Variants in ANKS1B observed in about 807,000 individuals in gnomAD.
The protein encoded by ANKS1B is ankyrin repeat and sterile alpha motif domain containing 1B, also known as ankyrin repeat and sterile alpha motif domain-containing protein 1B.
Under a neutral mutation model 148.3 loss-of-function variants are expected in ANKS1B, and 36 were observed. The observed-to-expected ratio is 0.24, with a 90% confidence interval of 0.19 to 0.32. The LOEUF (loss-of-function observed/expected upper bound fraction) is 0.32. Among genes scored for constraint, ANKS1B ranks in the 10% least tolerant of loss-of-function variants. The pLI is 1.00. For missense variants in ANKS1B, 1,157 were observed against 1,542.6 expected, an observed-to-expected ratio of 0.75 and a Z score of 4.19; for synonymous variants, 542 against 560.8, an observed-to-expected ratio of 0.97 and a Z score of 0.47.
chr12:99,367,526 T>G lies in ANKS1B; in HGVS notation c.1756+32105A>C, dbSNP rs570329093. 3.9e-5 allele frequency among the ~76,000 whole-genome samples: 6 copies of G among 152,304 alleles called. No homozygotes were observed. The East Asian group carries it at 1.2e-3, about 29-fold the overall frequency. On this transcript the variant is annotated intron_variant, in intron 12 of 26. Coordinates refer to ENST00000683438, the MANE Select transcript of ANKS1B (RefSeq NM_001352186.2). ...TCTTTTGACCTAGGAACCCCACTTC[T>G]ATGAATATTCCCCAAGAGAGAGAGT... is the stretch of plus-strand genomic sequence containing the variant.
chr12:99,780,484 G>A (rs149862641), intron 5 of ANKS1B, among the ~76,000 whole-genome samples: 2,913 of 151,298 alleles, frequency 0.019, 48 homozygotes, highest in South Asian at 0.063. Flanking sequence ...GGGTTTCACT[G>A]TGTTAGCAAG....
chr12:98,821,542 T>C (rs963405132), intron 19 of ANKS1B, among the ~76,000 whole-genome samples: 1 of 152,136 alleles, frequency 6.6e-6, no homozygotes, highest in Non-Finnish European at 1.5e-5. Context: ...ACACACCCCT[T>C]TGCAATTAGC....
At chr12:99,649,482 C>A in intron 9 of ANKS1B, 1 of 1,092,850 alleles carries the variant, frequency 9.2e-7, no homozygotes, top group Non-Finnish European at 1.4e-6. Context: ...GATGAAGGGG[C>A]AGGGTAGCAA....
intron 1 of ANKS1B, among the ~76,000 whole-genome samples, chr12:99,834,689 A>G (rs2084550417): frequency 6.6e-6 from 1 of 152,214 alleles, no homozygotes; most frequent in Non-Finnish European, 1.5e-5. Flanking sequence ...GATTTGAAGC[A>G]CAACTACTCC....
At chr12:99,049,352 A>C (rs1056342332) in intron 17 of ANKS1B, among the ~76,000 whole-genome samples, 1 of 152,068 alleles carries the variant, frequency 6.6e-6, no homozygotes, top group Non-Finnish European at 1.5e-5. Flanking sequence ...TGCAAAAAAA[A>C]AATTAGGAAA....
intron 12 of ANKS1B, 142 bp from the exon 13 acceptor site, chr12:99,247,006 CT>C (rs1396789052): frequency 1.5e-6 from 1 of 678,346 alleles, no homozygotes; most frequent in Non-Finnish European, 2.5e-6. Flanking sequence ...TGAAATACCC[CT>C]GACCCCACAG....
At chr12:98,819,338 C>T (rs1276332421) in intron 19 of ANKS1B, among the ~76,000 whole-genome samples, 1 of 152,130 alleles carries the variant, frequency 6.6e-6, no homozygotes, top group Non-Finnish European at 1.5e-5. Flanking sequence ...GCTGGGGAAC[C>T]AGGATGCTGT....
At chr12:99,430,716 G>C (rs2095355402) in intron 11 of ANKS1B, among the ~76,000 whole-genome samples, 1 of 152,182 alleles carries the variant, frequency 6.6e-6, no homozygotes, top group Admixed American at 6.5e-5. Context: ...CCTCTTCAGA[G>C]ACATAATAAA....
intron 11 of ANKS1B, among the ~76,000 whole-genome samples, chr12:99,414,438 T>TC (rs1260178228): frequency 6.6e-6 from 1 of 152,068 alleles, no homozygotes; most frequent in East Asian, 1.9e-4. Context: ...AACCCAAATG[T>TC]CCATCAATAA....
rs116534608 is a variant in ANKS1B at position 99,839,404 on chromosome 12, A to G, written c.135-14015T>C. Among the ~76,000 whole-genome samples the G allele has an allele frequency of 7.9e-3, 1,202 of 152,212 alleles. 16 individuals carry two copies. The highest frequency in any genetic ancestry group is 0.027 in the African/African-American group (1,137 of 41,532). On this transcript the variant is annotated intron_variant, in intron 1 of 26. Coordinates refer to ENST00000683438, the MANE Select transcript of ANKS1B (RefSeq NM_001352186.2). ...AAGGTACTTCACTTCATTAGACCTG[A>G]GTTTCCCCATAGGTAAAACCCAAGG...
intron 26 of ANKS1B, among the ~76,000 whole-genome samples, chr12:98,748,069 T>C (rs1398084430): frequency 5.9e-5 from 9 of 152,228 alleles, no homozygotes; most frequent in African/African-American, 2.2e-4. Context: ...AACAACAATT[T>C]ATTGTATATT....
intron 12 of ANKS1B, among the ~76,000 whole-genome samples, chr12:99,286,541 A>G (rs2079143922): frequency 6.6e-6 from 1 of 152,190 alleles, no homozygotes; most frequent in South Asian, 2.1e-4. Context: ...AGTAAAGGGG[A>G]CTTTGCCTTG....
chr12:99,401,909 T>C (rs1240987624), intron 11 of ANKS1B, among the ~76,000 whole-genome samples: 3 of 146,816 alleles, frequency 2.0e-5, no homozygotes, highest in Non-Finnish European at 4.5e-5. Flanking sequence ...TGAAGTTTTA[T>C]TGGAACAAAA....
intron 11 of ANKS1B, among the ~76,000 whole-genome samples, chr12:99,430,308 G>A (rs1448954811): frequency 5.3e-5 from 8 of 152,030 alleles, no homozygotes. Flanking sequence ...TAGAAAGATA[G>A]GAAACAGAAG....
At chr12:99,607,973 G>A (rs997016525) in intron 9 of ANKS1B, among the ~76,000 whole-genome samples, 17 of 151,812 alleles carry the variant, frequency 1.1e-4, no homozygotes, top group Admixed American at 1.3e-4. Context: ...CCCTATGAGT[G>A]GTACAAAAAG....
In ANKS1B at chr12:99,154,327, G is replaced by T. The variant is rs1466056177; in HGVS notation, c.2488C>A (p.His830Asn). Reference protein sequence around the residue: ...ESIGLPQYENHLMANGFDNVQ... With the variant: ...ESIGLPQYENNLMANGFDNVQ... ...TTGTCAAATCCATTAGCCATCAGGT[G>T]GTTCTCGTACTGAGGTAGCCCAATG... The change falls in exon 15 of 27, where the codon CAC becomes AAC. Residue 830 changes from histidine to asparagine, a missense_variant. Coordinates refer to ENST00000683438, the MANE Select transcript of ANKS1B (RefSeq NM_001352186.2). 1.9e-6 allele frequency: 3 copies of T among 1,613,728 alleles called. No homozygotes were observed. The highest frequency in any genetic ancestry group is 2.5e-6 in the Non-Finnish European group (3 of 1,179,704).
chr12:98,974,231 G>A (rs1434860610), intron 17 of ANKS1B, among the ~76,000 whole-genome samples: 6 of 152,122 alleles, frequency 3.9e-5, no homozygotes, highest in African/African-American at 1.4e-4. Context: ...GCTCAGTGTT[G>A]TTTGTGTTAT....
chr12:99,165,640 T>TACAAA (rs1485111837), intron 14 of ANKS1B, among the ~76,000 whole-genome samples: 1 of 151,830 alleles, frequency 6.6e-6, no homozygotes, highest in South Asian at 2.1e-4. Context: ...AAAATCTTTA[T>TACAAA]ACAAAACAAA....
chr12:99,272,126 TA>T (rs2077115481), intron 12 of ANKS1B, among the ~76,000 whole-genome samples: 1 of 152,088 alleles, frequency 6.6e-6, no homozygotes, highest in South Asian at 2.1e-4. Flanking sequence ...ATTTATTCAA[TA>T]AACAGTGTCT....
Sources: gnomAD v4.1 joint callset for allele counts (sites outside exome capture counted in the v4.1 genomes callset) on GRCh38, gnomAD v4.1.1 for gene constraint, MANE v1.5 for transcripts, NCBI Gene and HGNC (gene_info 2026-07-23, HGNC 2026-07-21) for gene names.